The following KMT2C variants were observed in gnomAD, a reference collection of about 807,000 sequenced individuals.
The protein encoded by KMT2C is lysine methyltransferase 2C.
Under a neutral mutation model 507.9 loss-of-function variants are expected in KMT2C, and 88 were observed. That is an observed-to-expected ratio of 0.17 (90% confidence interval 0.15 to 0.21). The LOEUF (loss-of-function observed/expected upper bound fraction) is 0.21. Ranked by LOEUF, KMT2C falls within the 10% of genes least tolerant of loss-of-function variation. KMT2C has a pLI of 1.00. For synonymous variants in KMT2C, 2,049 were observed against 2,080.8 expected (o/e 0.98, Z 0.42); for missense variants, 4,954 against 5,957.8 (o/e 0.83, Z 5.55).
chr7:152,363,300 T>C (rs2129235775), intron 1 of KMT2C, among the ~76,000 whole-genome samples: 1 of 152,342 alleles, frequency 6.6e-6, no homozygotes, highest in East Asian at 1.9e-4. Context: ...TTCAGTGTTC[T>C]TCACTTCACT....
In KMT2C at chr7:152,180,816, C is replaced by T. The variant is rs769590966; in HGVS notation, c.7044G>A (p.Gln2348=). Residue 2348 remains glutamine, a synonymous_variant, in exon 36 of 59, where the codon CAG becomes CAA. Coordinates refer to ENST00000262189, the MANE Select transcript of KMT2C (RefSeq NM_170606.3). ...CAGGAAGTTGGGAGACACCAGAGAA[C>T]TGCTGGCCTTGGGAGTGCATTGGAG... ...SNSPMHSQGQ[Q]FSGVSQLPGP... is the part of the protein sequence containing the mutation. The T allele has an allele frequency of 2.1e-5, 34 of 1,614,076 alleles. No individual in the cohort carries two copies. In the South Asian group the frequency reaches 3.6e-4, roughly 17 times the overall value.
rs2093386839 is a variant in KMT2C, at chr7:152,180,261, T to C, written c.7150-135A>G. The C allele has an allele frequency of 3.4e-6, 3 of 876,676 alleles. No individual in the cohort carries two copies. In the African/African-American group the frequency reaches 5.1e-5, roughly 15 times the overall value. The allele number at this position is 876,676 out of a possible 1,614,324, so 54.3% of individuals were successfully genotyped here. A position where few individuals can be genotyped will look rare whatever the true frequency, so the allele number is the denominator to read the frequency against. On this transcript the variant is annotated intron_variant, in intron 36 of 58. Coordinates refer to ENST00000262189, the MANE Select transcript of KMT2C (RefSeq NM_170606.3). ...GCCTCAAATTCCTGGACTCAAGTGA[T>C]CCTCCTGTCTCAGCCTCTCAAGTAG...
In KMT2C at chr7:152,181,064, C is replaced by T. The variant is rs2093419720; in HGVS notation, c.6796G>A (p.Val2266Ile). The T allele has an allele frequency of 1.2e-6, 2 of 1,614,152 alleles. No homozygotes were observed. Among genetic ancestry groups the T allele is most frequent in the Non-Finnish European group, 1.7e-6 (2 of 1,180,038 alleles). The change falls in exon 36 of 59, where the codon GTA (valine) becomes ATA (isoleucine). Residue 2266 changes from valine to isoleucine, a missense_variant. This residue lies in a region of KMT2C where 1,689 missense variants were observed against 1,654.3 expected (regional missense o/e 1.02). Transcript: ENST00000262189. Reference protein sequence around the residue: ...NRGPALPGPLVRPPDTCSQTP... With the variant: ...NRGPALPGPLIRPPDTCSQTP... ...TGGGAACATGTATCAGGTGGCCTTA[C>T]CAACGGGCCAGGTAAAGCTGGTCCT... is the stretch of plus-strand genomic sequence containing the variant.
intron 25 of KMT2C, 107 bp downstream of exon 25, chr7:152,204,999 A>T (rs2129137060): frequency 1.5e-6 from 1 of 655,372 alleles, no homozygotes; most frequent in South Asian, 2.2e-5. Flanking sequence ...AGAGGCAATA[A>T]GGCTCTTATT....
At chr7:152,242,160 A>G (rs935554349) in intron 14 of KMT2C, among the ~76,000 whole-genome samples, 5 of 152,324 alleles carry the variant, frequency 3.3e-5, no homozygotes, top group African/African-American at 1.2e-4. Context: ...TTCCCCTACA[A>G]TCCAGTTGCA....
intron 3 of KMT2C, among the ~76,000 whole-genome samples, chr7:152,321,868 A>G (rs1162773318): frequency 6.6e-6 from 1 of 151,958 alleles, no homozygotes; most frequent in Admixed American, 6.5e-5. Flanking sequence ...TACAGATTCA[A>G]TGCAATATCT....
chr7:152,367,814 T>G (rs924120076), intron 1 of KMT2C: 1 of 923,568 alleles, frequency 1.1e-6, no homozygotes, highest in Non-Finnish European at 1.8e-6. Flanking sequence ...AGATGCCTAA[T>G]AGCAGGGTGC....
At chr7:152,224,275 A>G (rs1434468484) in intron 19 of KMT2C, 96 bp from the exon 20 acceptor site, 7 of 1,321,842 alleles carry the variant, frequency 5.3e-6, no homozygotes, top group Middle Eastern at 5.4e-4. Context: ...AATGGGGGAA[A>G]TGATTTAATG....
At chr7:152,387,399 GA>G (rs2097438996) in intron 1 of KMT2C, among the ~76,000 whole-genome samples, 1 of 146,460 alleles carries the variant, frequency 6.8e-6, no homozygotes. Flanking sequence ...ATATACCTAT[GA>G]AAAGATGTAT....
intron 2 of KMT2C, among the ~76,000 whole-genome samples, chr7:152,334,238 C>T (rs1052166914): frequency 2.6e-5 from 4 of 152,126 alleles, no homozygotes; most frequent in Non-Finnish European, 5.9e-5. Context: ...GGCAGATCAC[C>T]TGAGGTCAGG....
Position 152,177,846 on chromosome 7 carries a change from C to G in KMT2C, c.7607G>C (p.Gly2536Ala), listed in dbSNP as rs1317868517. Residue 2536 changes from glycine to alanine, a missense_variant, in exon 38 of 59, where the codon GGA (glycine) becomes GCA (alanine). By Grantham distance (60) the Gly-to-Ala change is moderately conservative (BLOSUM62 0). Transcript: ENST00000262189. ...CTGTGGTGAAAAATGCTGAGGAAGT[C>G]CAACTGGATTATTCATTTGTGAGTT... ...LNNSQMNNPV[G>A]LPQHFSPQSL... 1 of 1,613,420 alleles carries G rather than the reference C, an allele frequency of 6.2e-7. No homozygotes were observed. The highest frequency in any genetic ancestry group is 8.5e-7 in the Non-Finnish European group (1 of 1,179,860).
rs187958002 is a variant in KMT2C, at chr7:152,210,434, G to A, written c.3713-3006C>T. Among the ~76,000 whole-genome samples, 104 of 152,152 alleles carry A rather than the reference G, an allele frequency of 6.8e-4. No individual in the cohort carries two copies. The Middle Eastern group carries it at 0.01, about 15-fold the overall frequency. On this transcript the variant is annotated intron_variant, in intron 23 of 58. Transcript: ENST00000262189. ...CATGCATGTACCATAAAGATTATCC[G>A]ACTATGGTCTATAACAAGCTTGTCC...
At chr7:152,161,332 TAATTAA>T (rs1195136716) in intron 43 of KMT2C, among the ~76,000 whole-genome samples, 2 of 152,176 alleles carry the variant, frequency 1.3e-5, no homozygotes, top group Admixed American at 1.3e-4. Context: ...ACTCAACCCT[TAATTAA>T]AATATGAAAA....
chr7:152,416,505 C>T (rs1352773672), intron 1 of KMT2C, among the ~76,000 whole-genome samples: 32 of 151,788 alleles, frequency 2.1e-4, no homozygotes, highest in African/African-American at 4.8e-4. Context: ...GCCGAGATCA[C>T]GCCATTACAC....
At chr7:152,158,399 C>T (rs77284960) in intron 44 of KMT2C, among the ~76,000 whole-genome samples, 1,784 of 152,182 alleles carry the variant, frequency 0.012, 41 homozygotes, top group African/African-American at 0.041. Context: ...TTTGTATTAC[C>T]GTAAATTTCA....
At chr7:152,346,474 C>T (rs1415089133) in intron 2 of KMT2C, among the ~76,000 whole-genome samples, 1 of 152,102 alleles carries the variant, frequency 6.6e-6, no homozygotes. Context: ...CAATACACTT[C>T]TAAATAACAC....
intron 1 of KMT2C, among the ~76,000 whole-genome samples, chr7:152,419,295 G>A (rs1452277691): frequency 6.6e-6 from 1 of 152,098 alleles, no homozygotes; most frequent in East Asian, 1.9e-4. Context: ...AGATTGCAGT[G>A]AGCCGAGATC....
In KMT2C at chr7:152,322,910, G is replaced by A. The variant is rs74531511; in HGVS notation, c.390-7572C>T. Among the ~76,000 whole-genome samples, 77 of 152,086 alleles carry A rather than the reference G, an allele frequency of 5.1e-4. No homozygotes were observed. The East Asian group carries it at 0.014, about 28-fold the overall frequency. ...ATACAAATGGCCAACAGGTACATGA[G>A]AAAATGTTCAGCATCACTACTCATT... is the stretch of plus-strand genomic sequence containing the variant. On this transcript the variant is annotated intron_variant, in intron 3 of 58. Transcript: ENST00000262189.
At chr7:152,318,862 T>C (rs1166723225) in intron 3 of KMT2C, among the ~76,000 whole-genome samples, 2 of 152,088 alleles carry the variant, frequency 1.3e-5, no homozygotes, top group African/African-American at 2.4e-5. Flanking sequence ...AAATGATGAA[T>C]AGTATAATAG....
Sources: allele counts gnomAD v4.1 joint callset (sites outside exome capture counted in the v4.1 genomes callset), GRCh38; gene constraint gnomAD v4.1.1; regional missense constraint gnomAD v4.1.1; transcripts MANE v1.5; gene names NCBI Gene and HGNC (gene_info 2026-07-23, HGNC 2026-07-21).